VTI1A: variants seen among roughly 807,000 people sequenced by gnomAD.
The protein encoded by VTI1A is vesicle transport through interaction with t-SNAREs 1A, also known as vesicle transport through interaction with t-SNAREs homolog 1A.
VTI1A carries 22 observed loss-of-function variants against 34.9 expected under a neutral mutation model. That is an observed-to-expected ratio of 0.63 (90% confidence interval 0.45 to 0.90). The LOEUF (loss-of-function observed/expected upper bound fraction) is 0.90. Among genes scored for constraint, VTI1A ranks in the 40% least tolerant of loss-of-function variants. The pLI, the probability that VTI1A is intolerant of heterozygous loss-of-function variation, is 0.00. For synonymous variants in VTI1A, 87 were observed against 97.3 expected, an observed-to-expected ratio of 0.89 and a Z score of 0.62; for missense variants, 268 against 275.6, an observed-to-expected ratio of 0.97 and a Z score of 0.20.
At chr10:112,514,303 T>C (rs963372395) in intron 3 of VTI1A, among the ~76,000 whole-genome samples, 9 of 151,946 alleles carry the variant, frequency 5.9e-5, no homozygotes, top group African/African-American at 1.4e-4. Context: ...ATATAATTGT[T>C]CATAGTAGTT....
rs973751164 is a variant in VTI1A at position 112,749,415 on chromosome 10, C to A, written c.561-65875C>A. 5.9e-5 allele frequency among the ~76,000 whole-genome samples: 9 copies of A among 152,254 alleles called. 2 individuals carry two copies. In the South Asian group the frequency reaches 1.5e-3, roughly 25 times the overall value. ...TGAAGATTGTCAAAAGTTGCACCAC[C>A]CTAGTCTACAATACATCTGAATTCA... On this transcript the variant is annotated intron_variant, in intron 7 of 7. Coordinates refer to ENST00000393077, the MANE Select transcript of VTI1A (RefSeq NM_145206.4).
At chr10:112,466,665 A>G (rs191007169) in intron 3 of VTI1A, among the ~76,000 whole-genome samples, 3 of 152,344 alleles carry the variant, frequency 2.0e-5, no homozygotes, top group Non-Finnish European at 4.4e-5. Context: ...CATGTTTATA[A>G]AGATTGTTTT....
At chr10:112,469,022 A>G (rs575818679) in intron 3 of VTI1A, among the ~76,000 whole-genome samples, 248 of 152,278 alleles carry the variant, frequency 1.6e-3, no homozygotes, top group African/African-American at 5.4e-3. Flanking sequence ...ACACCATTCC[A>G]TAATTAGCTT....
intron 7 of VTI1A, among the ~76,000 whole-genome samples, chr10:112,755,874 G>A (rs1404711742): frequency 3.9e-5 from 6 of 152,132 alleles, no homozygotes; most frequent in Admixed American, 3.9e-4. Context: ...TGCAGTCTCT[G>A]GCTTGACTTG....
chr10:112,488,490 A>G (rs1390933926), intron 3 of VTI1A, among the ~76,000 whole-genome samples: 1 of 152,222 alleles, frequency 6.6e-6, no homozygotes, highest in Non-Finnish European at 1.5e-5. Context: ...TGCTATCCAT[A>G]TCAGCCAGAA....
intron 3 of VTI1A, among the ~76,000 whole-genome samples, chr10:112,518,934 G>A (rs1234615349): frequency 6.6e-6 from 1 of 151,870 alleles, no homozygotes; most frequent in Admixed American, 6.6e-5. Flanking sequence ...GGTCACCCTA[G>A]TATAGAAGTA....
At chr10:112,804,724 A>G (rs924187185) in intron 7 of VTI1A, among the ~76,000 whole-genome samples, 1 of 151,090 alleles carries the variant, frequency 6.6e-6, no homozygotes, top group African/African-American at 2.4e-5. Context: ...TAGGGCAGGG[A>G]CTCTGTGTTT....
intron 5 of VTI1A, among the ~76,000 whole-genome samples, chr10:112,582,891 G>A (rs1447588386): frequency 6.6e-6 from 1 of 152,052 alleles, no homozygotes; most frequent in Non-Finnish European, 1.5e-5. Flanking sequence ...TCTCTTGGCT[G>A]TAAAAAACCT....
chr10:112,605,136 C>G (rs1845025875), intron 5 of VTI1A, among the ~76,000 whole-genome samples: 1 of 152,184 alleles, frequency 6.6e-6, no homozygotes, highest in Non-Finnish European at 1.5e-5. Context: ...GATCTTCCCC[C>G]ACACTCGGCT....
At chr10:112,784,528 A>G (rs1227164235) in intron 7 of VTI1A, among the ~76,000 whole-genome samples, 1 of 152,202 alleles carries the variant, frequency 6.6e-6, no homozygotes, top group Non-Finnish European at 1.5e-5. Flanking sequence ...TAAACAGAGT[A>G]GTCCTAATTG....
At chr10:112,460,619 A>G (rs1847699597) in intron 2 of VTI1A, 37 bp downstream of exon 2, 1 of 1,529,636 alleles carries the variant, frequency 6.5e-7, no homozygotes, top group Non-Finnish European at 8.8e-7. Context: ...ACACACAGCC[A>G]GAGCCGTTTA....
At chr10:112,641,116 G>A (rs1159017775) in intron 5 of VTI1A, among the ~76,000 whole-genome samples, 1 of 150,506 alleles carries the variant, frequency 6.6e-6, no homozygotes, top group Non-Finnish European at 1.5e-5. Flanking sequence ...TGTAGTTGGG[G>A]GGCAGATAGC....
chr10:112,550,986 G>C (rs946262173), intron 5 of VTI1A, among the ~76,000 whole-genome samples: 15 of 152,150 alleles, frequency 9.9e-5, no homozygotes, highest in Non-Finnish European at 2.1e-4. Context: ...GCTCACGCCT[G>C]TAATCCCAGC....
rs372927442 is a variant in VTI1A, at chr10:112,462,746, G to A, written c.154-1801G>A. 3.5e-4 allele frequency among the ~76,000 whole-genome samples: 54 copies of A among 152,200 alleles called. No homozygotes were observed. The South Asian group carries it at 4.1e-3, about 12-fold the overall frequency. On this transcript the variant is annotated intron_variant, in intron 2 of 7. Transcript: ENST00000393077. ...TGTATGCTACTGTAGTTATTCAGTC[G>A]CTAACACTGAATACAGGTTTTATTA...
intron 5 of VTI1A, among the ~76,000 whole-genome samples, chr10:112,603,421 C>CT (rs939490749): frequency 3.3e-5 from 5 of 151,740 alleles, no homozygotes. Flanking sequence ...CATTCATTGC[C>CT]TTTTTTTTCC....
chr10:112,492,036 A>T (rs1589825566), intron 3 of VTI1A, among the ~76,000 whole-genome samples: 1 of 152,144 alleles, frequency 6.6e-6, no homozygotes, highest in African/African-American at 2.4e-5. Flanking sequence ...GATTGTTTTA[A>T]AAAGCTCCCC....
intron 5 of VTI1A, among the ~76,000 whole-genome samples, chr10:112,593,728 C>CTTTTTTTTA (rs1255660397): frequency 6.6e-6 from 1 of 151,806 alleles, no homozygotes; most frequent in Non-Finnish European, 1.5e-5. Flanking sequence ...TGGTCTCCAT[C>CTTTTTTTTA]TTTTTTTTAT....
chr10:112,765,219 G>GTTTTGTTTT (rs1271430183), intron 7 of VTI1A, among the ~76,000 whole-genome samples: 1 of 146,028 alleles, frequency 6.8e-6, no homozygotes, highest in African/African-American at 2.7e-5. Context: ...GTTTTGTTTT[G>GTTTTGTTTT]TTTTTTTGAG....
chr10:112,732,255 AGCCTTTAAGCCTCTCT>A (rs1477225891), intron 7 of VTI1A, among the ~76,000 whole-genome samples: 5 of 152,140 alleles, frequency 3.3e-5, no homozygotes, highest in African/African-American at 1.2e-4. Context: ...CTTTTTTGAG[AGCCTTTAAGCCTCTCT>A]GCCTTCCAGC....
Sources: allele counts gnomAD v4.1 joint callset (sites outside exome capture counted in the v4.1 genomes callset), GRCh38; gene constraint gnomAD v4.1.1; transcripts MANE v1.5; gene names NCBI Gene and HGNC (gene_info 2026-07-23, HGNC 2026-07-21).